Variants in PTPRD observed in about 807,000 individuals in gnomAD.
PTPRD encodes protein tyrosine phosphatase receptor type D, also known as receptor-type tyrosine-protein phosphatase delta.
PTPRD carries 34 observed loss-of-function variants against 214.5 expected under a neutral mutation model. The observed-to-expected ratio is 0.16, with a 90% CI of 0.12 to 0.21. The LOEUF is 0.21. PTPRD is among the 10% of genes least tolerant of loss of function. The pLI is 1.00. For missense variants in PTPRD, 2,545 were observed against 2,398.7 expected, an observed-to-expected ratio of 1.06 and a Z score of -1.27; for synonymous variants, 1,128 against 845.7, an observed-to-expected ratio of 1.33 and a Z score of -5.79.
chr9:8,901,473 C>A (rs2098668241), intron 11 of PTPRD, among the ~76,000 whole-genome samples: 1 of 152,188 alleles, frequency 6.6e-6, no homozygotes, highest in Non-Finnish European at 1.5e-5. Flanking sequence ...TATTGCCTCA[C>A]AACAGCAGCA....
chr9:10,398,685 G>A (rs1239607311), intron 2 of PTPRD, among the ~76,000 whole-genome samples: 3 of 151,942 alleles, frequency 2.0e-5, no homozygotes, highest in Non-Finnish European at 2.9e-5. Context: ...GAGGAGCAGA[G>A]AAAGTAATCG....
chr9:9,361,849 A>G (rs2056285114), intron 9 of PTPRD, among the ~76,000 whole-genome samples: 1 of 151,072 alleles, frequency 6.6e-6, no homozygotes, highest in Non-Finnish European at 1.5e-5. Context: ...ACTATTTATC[A>G]GGGCCTACCA....
In PTPRD at chr9:9,945,534, G is replaced by C. The variant is rs1364913388; in HGVS notation, c.-471-6924C>G. 3.9e-5 allele frequency among the ~76,000 whole-genome samples: 6 copies of C among 152,106 alleles called. No homozygotes were observed. In the East Asian group the frequency reaches 7.7e-4, roughly 20 times the overall value. ...CCAACCAAAAACAGTGATTCAAAAA[G>C]AAGTGTTCTCCTGTGTCCAAGGTGG... On this transcript the variant is annotated intron_variant, in intron 4 of 45. Coordinates refer to ENST00000381196, the MANE Select transcript of PTPRD (RefSeq NM_002839.4).
chr9:10,575,713 C>T (rs2069062946), intron 2 of PTPRD, among the ~76,000 whole-genome samples: 1 of 152,030 alleles, frequency 6.6e-6, no homozygotes, highest in Admixed American at 6.6e-5. Context: ...TCAAAAGAGA[C>T]AGGTAGCATT....
chr9:10,249,322 C>G (rs1364655858), intron 3 of PTPRD, among the ~76,000 whole-genome samples: 3 of 152,130 alleles, frequency 2.0e-5, no homozygotes, highest in African/African-American at 7.2e-5. Flanking sequence ...AAAAAGACAT[C>G]ATTGTACTTG....
intron 4 of PTPRD, among the ~76,000 whole-genome samples, chr9:10,023,710 T>C (rs1332782891): frequency 6.6e-6 from 1 of 151,962 alleles, no homozygotes; most frequent in Admixed American, 6.6e-5. Context: ...AATTATATAT[T>C]GAATTGCAAT....
intron 3 of PTPRD, among the ~76,000 whole-genome samples, chr9:10,091,869 A>G (rs1314561331): frequency 6.6e-6 from 1 of 151,346 alleles, no homozygotes; most frequent in Non-Finnish European, 1.5e-5. Context: ...GGTTACCAGA[A>G]CCTGTCCTTT....
chr9:10,242,933 G>T (rs1003434421), intron 3 of PTPRD, among the ~76,000 whole-genome samples: 1 of 150,440 alleles, frequency 6.6e-6, no homozygotes, highest in Non-Finnish European at 1.5e-5. Context: ...GAGAGGGAGG[G>T]AGGGAGGGAG....
At chr9:9,923,249 G>GTT (rs34163446) in intron 5 of PTPRD, among the ~76,000 whole-genome samples, 32,347 of 145,722 alleles carry the variant, frequency 0.22, 7,276 homozygotes, top group African/African-American at 0.55. Context: ...CTTTCTGTTA[G>GTT]TTTTTTTTTT....
At chr9:8,805,486 T>C (rs1600367009) in intron 11 of PTPRD, among the ~76,000 whole-genome samples, 1 of 151,856 alleles carries the variant, frequency 6.6e-6, no homozygotes, top group Non-Finnish European at 1.5e-5. Flanking sequence ...TGGAAAATGA[T>C]TATAAACCTC....
chr9:8,991,647 T>C (rs1463034056), intron 11 of PTPRD, among the ~76,000 whole-genome samples: 1 of 152,100 alleles, frequency 6.6e-6, no homozygotes, highest in African/African-American at 2.4e-5. Flanking sequence ...TTCCTTAATT[T>C]TTTTCTAATT....
intron 4 of PTPRD, among the ~76,000 whole-genome samples, chr9:9,989,756 C>T (rs2095849046): frequency 6.6e-6 from 1 of 152,218 alleles, no homozygotes; most frequent in South Asian, 2.1e-4. Context: ...CTGTGACACA[C>T]ACCCGCTGGG....
intron 8 of PTPRD, among the ~76,000 whole-genome samples, chr9:9,454,180 A>G (rs1490944682): frequency 6.6e-6 from 1 of 151,802 alleles, no homozygotes; most frequent in Non-Finnish European, 1.5e-5. Context: ...GAGTTGTTAG[A>G]TATTTCCAGT....
intron 8 of PTPRD, among the ~76,000 whole-genome samples, chr9:9,541,440 A>G (rs773700345): frequency 1.3e-5 from 2 of 151,820 alleles, no homozygotes; most frequent in Admixed American, 1.3e-4. Flanking sequence ...TTCCAGCCCA[A>G]CCCAGCTACA....
chr9:8,907,450 G>A (rs781242392), intron 11 of PTPRD, among the ~76,000 whole-genome samples: 3 of 149,206 alleles, frequency 2.0e-5, no homozygotes, highest in South Asian at 2.1e-4. Context: ...CCTGGGAGGC[G>A]GAGGTTGCAG....
At chr9:9,592,006 G>C (rs1004013872) in intron 7 of PTPRD, among the ~76,000 whole-genome samples, 2 of 151,820 alleles carry the variant, frequency 1.3e-5, no homozygotes, top group African/African-American at 4.8e-5. Flanking sequence ...TCTACTTCTA[G>C]GAGATCAACT....
intron 7 of PTPRD, among the ~76,000 whole-genome samples, chr9:9,647,170 T>A (rs140564653): frequency 7.2e-5 from 11 of 152,132 alleles, no homozygotes; most frequent in African/African-American, 2.2e-4. Context: ...AATTATTGCA[T>A]CTTTCCCCCC....
chr9:10,276,280 A>G (rs2094684803), intron 3 of PTPRD, among the ~76,000 whole-genome samples: 1 of 152,218 alleles, frequency 6.6e-6, no homozygotes, highest in Non-Finnish European at 1.5e-5. Flanking sequence ...CAGCTCATTA[A>G]CAAATGCATG....
intron 8 of PTPRD, among the ~76,000 whole-genome samples, chr9:9,457,101 G>A (rs368102681): frequency 1.3e-5 from 2 of 151,986 alleles, no homozygotes; most frequent in East Asian, 3.9e-4. Context: ...GACAGCAATA[G>A]GGTAGTGAGT....
Sources: gnomAD v4.1 joint callset for allele counts (sites outside exome capture counted in the v4.1 genomes callset) on GRCh38, gnomAD v4.1.1 for gene constraint, MANE v1.5 for transcripts, NCBI Gene and HGNC (gene_info 2026-07-23, HGNC 2026-07-21) for gene names.